ADAMTS7: variants seen among roughly 807,000 people sequenced by gnomAD.
ADAMTS7 encodes the protein A disintegrin and metalloproteinase with thrombospondin motifs 7.
ADAMTS7 carries 89 observed loss-of-function variants against 172.6 expected under a neutral mutation model. That is an observed-to-expected ratio of 0.52 (90% confidence interval 0.43 to 0.61). The LOEUF is 0.61. Ranked by LOEUF, ADAMTS7 falls within the 20% of genes least tolerant of loss-of-function variation. ADAMTS7 has a pLI of 0.00. For synonymous variants in ADAMTS7, 885 were observed against 978.4 expected (o/e 0.90, Z 1.78); for missense variants, 1,973 against 2,355.6 (o/e 0.84, Z 3.36).
In ADAMTS7 at chr15:78,764,432, G is replaced by C. The variant is rs552447217; in HGVS notation, c.4419+123C>G. On this transcript the variant is annotated intron_variant, in intron 20 of 23. Transcript: ENST00000388820. ...AAGAGATTCAGAATCCGGTGTGATC[G>C]GGCACACAGATGTGCAGCCTGGGGC... 1.3e-5 allele frequency: 16 copies of C among 1,272,670 alleles called. No homozygotes were observed. The East Asian group carries it at 1.3e-4, about 10-fold the overall frequency. 78.8% of individuals were successfully genotyped at this position (1,272,670 alleles called of 1,614,324 possible). A position where few individuals can be genotyped will look rare whatever the true frequency, so the allele number is the denominator to read the frequency against.
chr15:78,807,702 C>T (rs2141531093), intron 1 of ADAMTS7, among the ~76,000 whole-genome samples: 1 of 152,276 alleles, frequency 6.6e-6, no homozygotes, highest in East Asian at 1.9e-4. Flanking sequence ...CTTATAACAA[C>T]AGCTGGCACA....
Position 78,774,807 on chromosome 15 carries a change from C to T in ADAMTS7, c.1707-14G>A, listed in dbSNP as rs775194133. ...TTGTATTTGGGCCTGTGGGGAGAAC[C>T]GGGGTGGGCCCCAGTGACGGCCCAG... On this transcript the variant is annotated splice_polypyrimidine_tract_variant and intron_variant, in intron 11 of 23. Coordinates refer to ENST00000388820, the MANE Select transcript of ADAMTS7 (RefSeq NM_014272.5). 13 of 1,576,814 alleles carry T rather than the reference C, an allele frequency of 8.2e-6. No homozygotes were observed. Among genetic ancestry groups the T allele is most frequent in the South Asian group, 3.5e-5 (3 of 86,494 alleles).
At position 78,763,941 on chromosome 15, in the gene ADAMTS7, T is replaced by C; in HGVS notation, c.4578A>G (p.Thr1526=). The change falls in exon 21 of 24, where the codon ACA becomes ACG. Residue 1526 remains threonine, a synonymous_variant. Transcript: ENST00000388820. ...CGAQPCLSWY[T]SSWRECSEAC... Reference sequence around the variant, plus strand: ...CAGGCCTCACCTCCCTCCAGGAAGATGTGTACCAGCTGAGGCAGGGCTGGG... The same window carrying C: ...CAGGCCTCACCTCCCTCCAGGAAGACGTGTACCAGCTGAGGCAGGGCTGGG... The C allele has an allele frequency of 6.5e-7, 1 of 1,548,388 alleles. No homozygotes were observed. The highest frequency in any genetic ancestry group is 1.2e-5 in the South Asian group (1 of 82,852).
At chr15:78,799,027 T>A (rs1389597409) in intron 2 of ADAMTS7, among the ~76,000 whole-genome samples, 2 of 132,818 alleles carry the variant, frequency 1.5e-5, no homozygotes, top group East Asian at 5.0e-4. Flanking sequence ...ATCTGTGAAA[T>A]GGGAATGATG....
chr15:78,796,540 CA>C, intron 4 of ADAMTS7, 49 bp downstream of exon 4: 2 of 1,566,190 alleles, frequency 1.3e-6, no homozygotes, highest in Non-Finnish European at 8.7e-7. Flanking sequence ...CTTTGCACCC[CA>C]CCCCCCAACA....
intron 7 of ADAMTS7, 46 bp from the exon 8 acceptor site, chr15:78,788,420 C>T (rs765940244): frequency 1.3e-5 from 20 of 1,598,904 alleles, no homozygotes. Context: ...CGGCGGGAGG[C>T]TGCCAGCCTG....
In ADAMTS7 at chr15:78,766,091, C is replaced by A. The variant is rs372662510; in HGVS notation, c.3820G>T (p.Gly1274Cys). ...GTVAWEPALE[G>C]GLGPVDSELW... Reference sequence around the variant, plus strand: ...TCACTGTCCACAGGCCCCAGGCCACCCTCCAGAGCTGGCTCCCAGGCCACT... The same window carrying A: ...TCACTGTCCACAGGCCCCAGGCCACACTCCAGAGCTGGCTCCCAGGCCACT... Residue 1274 changes from glycine to cysteine, a missense_variant, in exon 19 of 24, where the codon GGT becomes TGT. By Grantham distance (159) the Gly-to-Cys change is radical (BLOSUM62 -3). Around this residue, in one of 8 missense-constraint regions of ADAMTS7, gnomAD observed 771 missense variants for 952.6 expected, o/e 0.81. Coordinates refer to ENST00000388820, the MANE Select transcript of ADAMTS7 (RefSeq NM_014272.5). 93 of 1,610,608 alleles carry A rather than the reference C, an allele frequency of 5.8e-5. No homozygotes were observed. The highest frequency in any genetic ancestry group is 8.4e-5 in the Admixed American group (5 of 59,492).
intron 8 of ADAMTS7, among the ~76,000 whole-genome samples, chr15:78,785,426 G>A (rs900555867): frequency 4.0e-5 from 6 of 151,832 alleles, no homozygotes; most frequent in Non-Finnish European, 7.4e-5. Context: ...GCAGGTGCCT[G>A]TAATCCCAGC....
chr15:78,788,433 C>A, intron 7 of ADAMTS7, 59 bp from the exon 8 acceptor site: 1 of 1,588,984 alleles, frequency 6.3e-7, no homozygotes, highest in Non-Finnish European at 8.6e-7. Context: ...CCAGCCTGCC[C>A]TCCCCTGGAC....
chr15:78,778,305 G>A (rs562784717), intron 8 of ADAMTS7, among the ~76,000 whole-genome samples: 2 of 152,366 alleles, frequency 1.3e-5, no homozygotes, highest in East Asian at 3.9e-4. Flanking sequence ...AACACCATGA[G>A]GCAGGAAGCA....
chr15:78,798,168 T>C, intron 2 of ADAMTS7, 55 bp from the exon 3 acceptor site: 1 of 1,487,782 alleles, frequency 6.7e-7, no homozygotes, highest in South Asian at 1.4e-5. Flanking sequence ...GCTGCTCTTC[T>C]TGCACGTCCC....
At chr15:78,807,902 T>C (rs2055817362) in intron 1 of ADAMTS7, among the ~76,000 whole-genome samples, 1 of 151,966 alleles carries the variant, frequency 6.6e-6, no homozygotes, top group South Asian at 2.1e-4. Context: ...TCTCCCAGGC[T>C]GGAGTGCAGT....
Position 78,771,268 on chromosome 15 carries a change from G to A in ADAMTS7, c.2412C>T (p.Tyr804=), listed in dbSNP as rs371920654. 3.2e-5 allele frequency: 51 copies of A among 1,612,578 alleles called. No homozygotes were observed. Among genetic ancestry groups the A allele is most frequent in the East Asian group, 1.3e-4 (6 of 44,894 alleles). Residue 804 remains tyrosine (Y), a synonymous_variant, in exon 16 of 24, where the codon TAC becomes TAT. Coordinates refer to ENST00000388820, the MANE Select transcript of ADAMTS7 (RefSeq NM_014272.5). The surrounding 1 kb of genome is among the most constrained non-coding windows in gnomAD (Gnocchi z 4.9). The part of the protein sequence containing the change: ...LFQESNPGVH[Y]EYTIHREAGG... ...CTGCCTCCCTGTGGATGGTGTACTC[G>A]TAGTGCACCCCAGGGTTGCTCTCCT... is the stretch of plus-strand genomic sequence containing the variant.
intron 1 of ADAMTS7, 92 bp from the exon 2 acceptor site, chr15:78,800,639 C>T (rs1450842832): frequency 4.2e-6 from 5 of 1,178,454 alleles, no homozygotes; most frequent in South Asian, 1.3e-5. Context: ...CAAGAGGGGG[C>T]TGCTGGAGTC....
chr15:78,794,160 A>T (rs1337941336), intron 4 of ADAMTS7, among the ~76,000 whole-genome samples: 3 of 152,104 alleles, frequency 2.0e-5, no homozygotes, highest in African/African-American at 7.2e-5. Context: ...AATCACTTGA[A>T]CCCAGGAAGC....
Position 78,771,308 on chromosome 15 carries a change from G to T in ADAMTS7, c.2377-5C>A. The stretch of plus-strand genomic sequence containing the variant: ...GTTGCTCTCCTGGAACAGCAGCTGG[G>T]TGGGCAGGCGGGGGCCCATGAGCAC... On this transcript the variant is annotated splice_polypyrimidine_tract_variant and splice_region_variant and intron_variant, in intron 15 of 23. Transcript: ENST00000388820. This position sits in a 1 kb window ranked among gnomAD's most constrained non-coding sequence, Gnocchi z 4.9. The T allele has an allele frequency of 6.2e-7, 1 of 1,612,256 alleles. No individual in the cohort carries two copies. Among genetic ancestry groups the T allele is most frequent in the Non-Finnish European group, 8.5e-7 (1 of 1,178,926 alleles).
chr15:78,767,411 G>A lies in ADAMTS7; in HGVS notation c.2827C>T (p.Pro943Ser). 1.9e-6 allele frequency: 3 copies of A among 1,611,872 alleles called. No individual in the cohort carries two copies. The highest frequency in any genetic ancestry group is 2.5e-6 in the Non-Finnish European group (3 of 1,179,832). Residue 943 changes from proline (P) to serine (S), a missense_variant, in exon 18 of 24, where the codon CCG (proline) becomes TCG (serine). Coordinates refer to ENST00000388820, the MANE Select transcript of ADAMTS7 (RefSeq NM_014272.5). ...CAGTTCCCCACAGCCCAGGTGGCCG[G>A]ACAGGGTACATGGCGGTTGCAAGGG... The part of the protein sequence containing the change: ...ETPCNRHVPC[P>S]ATWAVGNWSQ...
At chr15:78,803,212 T>G (rs62012657) in intron 1 of ADAMTS7, among the ~76,000 whole-genome samples, 2 of 151,074 alleles carry the variant, frequency 1.3e-5, no homozygotes, top group Admixed American at 1.3e-4. Context: ...AAAAAAAAAT[T>G]AGCCAGGCAA....
rs1479193600 is a variant in ADAMTS7 at position 78,776,310 on chromosome 15, T to A, written c.1584A>T (p.Val528=). ...ENKWCLSGEC[V]PVGFRPEAVD... is the part of the protein sequence containing the mutation. Reference sequence around the variant, plus strand: ...CGGCCTCGGGCCGGAAGCCCACGGGTACGCACTCCCCACTGAGACACCACT... The same window carrying A: ...CGGCCTCGGGCCGGAAGCCCACGGGAACGCACTCCCCACTGAGACACCACT... Residue 528 remains valine (V), a synonymous_variant, in exon 11 of 24, where the codon GTA becomes GTT. Transcript: ENST00000388820. 1.1e-5 allele frequency: 18 copies of A among 1,611,468 alleles called. No individual in the cohort carries two copies. Among genetic ancestry groups the A allele is most frequent in the Non-Finnish European group, 1.4e-5 (17 of 1,179,778 alleles).
Sources: gnomAD v4.1 joint callset for allele counts (sites outside exome capture counted in the v4.1 genomes callset) on GRCh38, gnomAD v4.1.1 for gene constraint, gnomAD v4.1.1 regional missense constraint, Gnocchi (gnomAD v3.1) non-coding constraint, MANE v1.5 for transcripts, NCBI Gene and HGNC (gene_info 2026-07-23, HGNC 2026-07-21) for gene names.